The following CUEDC1 variants were observed in gnomAD, a reference collection of about 807,000 sequenced individuals.
The protein encoded by CUEDC1 is CUE domain-containing protein 1.
A neutral mutation model predicts 43.7 loss-of-function variants in CUEDC1; 30 were observed. The observed-to-expected ratio is 0.69, with a 90% confidence interval of 0.51 to 0.93. The LOEUF is 0.93. Ranked by LOEUF, CUEDC1 falls within the 40% of genes least tolerant of loss-of-function variation. The probability of loss-of-function intolerance (pLI) is 0.00; values close to 1 mark genes in which losing one functional copy is unlikely to be tolerated. For missense variants in CUEDC1, 486 were observed against 549.0 expected, an observed-to-expected ratio of 0.89 and a Z score of 1.15; for synonymous variants, 223 against 223.6, an observed-to-expected ratio of 1.00 and a Z score of 0.02.
intron 1 of CUEDC1, among the ~76,000 whole-genome samples, chr17:57,894,879 T>C (rs1373540270): frequency 6.6e-6 from 1 of 152,136 alleles, no homozygotes; most frequent in Non-Finnish European, 1.5e-5. Flanking sequence ...CATTCATCTC[T>C]GCTCCTGAGG....
intron 1 of CUEDC1, among the ~76,000 whole-genome samples, chr17:57,940,818 G>A (rs2074910374): frequency 6.6e-6 from 1 of 152,156 alleles, no homozygotes; most frequent in African/African-American, 2.4e-5. Flanking sequence ...ACTACCCTTA[G>A]GAAGCACCCT....
chr17:57,946,548 T>C (rs1567727426), intron 1 of CUEDC1, among the ~76,000 whole-genome samples: 3 of 152,086 alleles, frequency 2.0e-5, no homozygotes, highest in African/African-American at 7.2e-5. Flanking sequence ...AAACTTTAAT[T>C]TGACTTTTTT....
intron 2 of CUEDC1, among the ~76,000 whole-genome samples, chr17:57,879,949 A>G (rs1405570530): frequency 6.6e-6 from 1 of 151,770 alleles, no homozygotes; most frequent in African/African-American, 2.4e-5. Context: ...AGTTCTGGCA[A>G]CTCCACAGAC....
At chr17:57,866,438 G>A in intron 10 of CUEDC1, 36 bp downstream of exon 10, 1 of 1,603,418 alleles carries the variant, frequency 6.2e-7, no homozygotes, top group Non-Finnish European at 8.5e-7. Context: ...CCCTGGCCTT[G>A]GGCAGTCCCT....
rs2073973694 is a variant in CUEDC1 at position 57,867,344 on chromosome 17, C to T, written c.1093+13G>A. The T allele has an allele frequency of 1.9e-6, 3 of 1,551,444 alleles. No homozygotes were observed. Among genetic ancestry groups the T allele is most frequent in the South Asian group, 2.4e-5 (2 of 84,078 alleles). On this transcript the variant is annotated intron_variant, in intron 9 of 10. Coordinates refer to ENST00000577830, the MANE Select transcript of CUEDC1 (RefSeq NM_001271875.2). Reference sequence around the variant, plus strand: ...TAGAGAAGTTGGAGCTTACGACTCCCCTCCAGCCTCACCACACGCGTGGCC... The same window carrying T: ...TAGAGAAGTTGGAGCTTACGACTCCTCTCCAGCCTCACCACACGCGTGGCC...
chr17:57,878,684 T>G (rs2074163307), intron 3 of CUEDC1, among the ~76,000 whole-genome samples: 1 of 151,952 alleles, frequency 6.6e-6, no homozygotes, highest in South Asian at 2.1e-4. Flanking sequence ...ATTTATTTAT[T>G]TACTGAGAGT....
Position 57,885,479 on chromosome 17 carries a change from G to T in CUEDC1, c.86C>A (p.Ala29Asp), listed in dbSNP as rs755860095. 5 of 1,570,664 alleles carry T rather than the reference G, an allele frequency of 3.2e-6. No individual in the cohort carries two copies. The South Asian group carries it at 5.8e-5, about 18-fold the overall frequency. Residue 29 changes from alanine (A) to aspartate (D), a missense_variant, in exon 2 of 11, where the codon GCC becomes GAC. Physicochemically the swap from Ala to Asp is moderately radical, Grantham distance 126. Transcript: ENST00000577830. ...GARGGGGGTA[A>D]PQELNNSRPA... ...CCGGCTGTTGTTGAGCTCCTGGGGG[G>T]CGGCCGTGCCTCCCCCGCCCCCGCG...
At chr17:57,866,670 C>A (rs900504328) in intron 9 of CUEDC1, 126 bp from the exon 10 acceptor site, 1 of 864,178 alleles carries the variant, frequency 1.2e-6, no homozygotes, top group African/African-American at 1.7e-5. Flanking sequence ...CCATGCAGAT[C>A]CCCCCAGGTA....
At chr17:57,896,767 CTTTT>C (rs747788787) in intron 1 of CUEDC1, among the ~76,000 whole-genome samples, 9 of 112,244 alleles carry the variant, frequency 8.0e-5, no homozygotes, top group African/African-American at 1.0e-4. Flanking sequence ...TTTCTTCTTT[CTTTT>C]TTTTTTTTTT....
intron 7 of CUEDC1, 105 bp downstream of exon 7, chr17:57,869,017 G>A: frequency 5.3e-6 from 6 of 1,127,634 alleles, no homozygotes; most frequent in Non-Finnish European, 7.8e-6. Flanking sequence ...GGTTCACCAA[G>A]AGTCAGCTGC....
At chr17:57,881,756 A>G (rs1006223381) in intron 2 of CUEDC1, among the ~76,000 whole-genome samples, 1 of 152,086 alleles carries the variant, frequency 6.6e-6, no homozygotes, top group Admixed American at 6.5e-5. Flanking sequence ...ACTCAGGGCA[A>G]TCAGCCCTCC....
At chr17:57,884,622 A>C (rs2685503) in intron 2 of CUEDC1, among the ~76,000 whole-genome samples, 97,695 of 151,884 alleles carry the variant, frequency 0.64, 31,834 homozygotes, top group East Asian at 0.99. Context: ...CACCTCCCAG[A>C]CTCTGCACAA....
At chr17:57,937,926 A>G (rs142586033) in intron 1 of CUEDC1, among the ~76,000 whole-genome samples, 2 of 152,272 alleles carry the variant, frequency 1.3e-5, no homozygotes, top group African/African-American at 4.8e-5. Flanking sequence ...TAAAAAATAA[A>G]TCTAAAATTC....
chr17:57,880,583 C>T (rs2074190135), intron 2 of CUEDC1, among the ~76,000 whole-genome samples: 1 of 152,158 alleles, frequency 6.6e-6, no homozygotes, highest in South Asian at 2.1e-4. Context: ...TGGGCAAAGT[C>T]TGGGGTCCTG....
At chr17:57,921,336 G>A (rs185378984) in intron 1 of CUEDC1, among the ~76,000 whole-genome samples, 22 of 152,240 alleles carry the variant, frequency 1.4e-4, no homozygotes, top group South Asian at 6.2e-4. Flanking sequence ...GCAATGCAAC[G>A]GCCGAGTGTT....
rs2074280968 is a variant in CUEDC1 at position 57,885,678 on chromosome 17, G to T, written c.-114C>A. The T allele has an allele frequency of 2.3e-6, 3 of 1,302,330 alleles. No homozygotes were observed. 80.7% of individuals were successfully genotyped at this position (1,302,330 alleles called of 1,614,324 possible). ...GCGGTCTCGGGCAGCTCACTCCTGC[G>T]CCTCCTCCTCCCCGGGTAGCCAGGC... On this transcript the variant is annotated 5_prime_UTR_variant, in exon 2 of 11. Transcript: ENST00000577830.
intron 1 of CUEDC1, among the ~76,000 whole-genome samples, chr17:57,939,500 G>A (rs979590467): frequency 6.6e-6 from 1 of 151,700 alleles, no homozygotes; most frequent in Non-Finnish European, 1.5e-5. Context: ...GGCTGGTCTC[G>A]AACTCCTGAC....
chr17:57,945,042 G>A (rs927283459), intron 1 of CUEDC1, among the ~76,000 whole-genome samples: 1 of 152,166 alleles, frequency 6.6e-6, no homozygotes, highest in African/African-American at 2.4e-5. Flanking sequence ...GGCTGTCATC[G>A]ATTTGCTAAA....
rs1234808366 is a variant in CUEDC1 at position 57,954,542 on chromosome 17, C to G, written c.-316+683G>C. On this transcript the variant is annotated intron_variant, in intron 1 of 10. Coordinates refer to ENST00000577830, the MANE Select transcript of CUEDC1 (RefSeq NM_001271875.2). The surrounding 1 kb of genome is among the most constrained non-coding windows in gnomAD (Gnocchi z 4.3). Reference sequence around the variant, plus strand: ...TGAATAAACGCTGACACCAGCCCCCCTTGGAGCTCAGAGCCTGGGGCACAG... The same window carrying G: ...TGAATAAACGCTGACACCAGCCCCCGTTGGAGCTCAGAGCCTGGGGCACAG... 2.0e-5 allele frequency among the ~76,000 whole-genome samples: 3 copies of G among 152,126 alleles called. No homozygotes were observed. The highest frequency in any genetic ancestry group is 2.0e-4 in the Admixed American group (3 of 15,280).
Sources: allele counts gnomAD v4.1 joint callset (sites outside exome capture counted in the v4.1 genomes callset), GRCh38; gene constraint gnomAD v4.1.1; non-coding constraint Gnocchi (gnomAD v3.1); transcripts MANE v1.5; gene names NCBI Gene and HGNC (gene_info 2026-07-23, HGNC 2026-07-21).